Variants in DKK2 observed in about 807,000 individuals in gnomAD.
The protein encoded by DKK2 is dickkopf-related protein 2.
In DKK2, 11 loss-of-function variants were observed where a neutral mutation model predicts 28.1. The ratio of observed to expected loss-of-function variants is 0.39; its 90% CI spans 0.25 to 0.65. The LOEUF is 0.65. DKK2 is among the 30% of genes least tolerant of loss of function. DKK2 has a pLI of 0.47. For missense variants in DKK2, 326 were observed against 335.5 expected, an observed-to-expected ratio of 0.97 and a Z score of 0.22; for synonymous variants, 135 against 126.5, an observed-to-expected ratio of 1.07 and a Z score of -0.45.
intron 1 of DKK2, among the ~76,000 whole-genome samples, chr4:107,012,424 T>C (rs1445656765): frequency 6.6e-6 from 1 of 151,304 alleles, no homozygotes; most frequent in African/African-American, 2.4e-5. Flanking sequence ...TCTCTCCAAT[T>C]TCCTAGGAAG....
chr4:107,018,478 A>C (rs758431519), intron 1 of DKK2, among the ~76,000 whole-genome samples: 1 of 152,118 alleles, frequency 6.6e-6, no homozygotes, highest in Non-Finnish European at 1.5e-5. Flanking sequence ...AGAGGGGATT[A>C]AAGGCTCATA....
At chr4:107,011,056 T>C (rs1202452636) in intron 1 of DKK2, among the ~76,000 whole-genome samples, 1 of 151,478 alleles carries the variant, frequency 6.6e-6, no homozygotes, top group Admixed American at 6.6e-5. Flanking sequence ...TTTTGGTGGA[T>C]GTTTTGATCT....
At chr4:107,027,341 A>T (rs1949471812) in intron 1 of DKK2, among the ~76,000 whole-genome samples, 1 of 152,162 alleles carries the variant, frequency 6.6e-6, no homozygotes, top group Non-Finnish European at 1.5e-5. Context: ...ATTTACTGGC[A>T]GTTTGTTTCC....
intron 1 of DKK2, among the ~76,000 whole-genome samples, chr4:106,963,586 A>C (rs1578359538): frequency 6.6e-6 from 1 of 152,124 alleles, no homozygotes; most frequent in Non-Finnish European, 1.5e-5. Context: ...TGTTGGTGGG[A>C]ATATGAATTA....
intron 1 of DKK2, among the ~76,000 whole-genome samples, chr4:107,022,722 T>C (rs938947138): frequency 2.0e-5 from 3 of 152,106 alleles, no homozygotes; most frequent in African/African-American, 4.8e-5. Flanking sequence ...AATATTGTAG[T>C]AATCTATTGA....
intron 1 of DKK2, among the ~76,000 whole-genome samples, chr4:106,935,174 C>A (rs140381841): frequency 6.6e-6 from 1 of 152,046 alleles, no homozygotes; most frequent in Non-Finnish European, 1.5e-5. Context: ...AGGCAGAAGA[C>A]GGTGATTTCT....
intron 1 of DKK2, among the ~76,000 whole-genome samples, chr4:106,941,138 A>AT (rs1254399280): frequency 6.6e-6 from 1 of 151,986 alleles, no homozygotes; most frequent in African/African-American, 2.4e-5. Context: ...TAAAAATAAA[A>AT]TAAAAAAAAG....
chr4:107,004,149 A>C (rs1207048311), intron 1 of DKK2, among the ~76,000 whole-genome samples: 2 of 152,216 alleles, frequency 1.3e-5, no homozygotes, highest in African/African-American at 4.8e-5. Context: ...ACATAAGCAG[A>C]GTCAGTGAGG....
intron 1 of DKK2, among the ~76,000 whole-genome samples, chr4:106,964,838 A>G (rs545115363): frequency 5.3e-5 from 8 of 152,258 alleles, no homozygotes; most frequent in African/African-American, 1.9e-4. Flanking sequence ...CTGAATTTCC[A>G]GCCTAAGGAT....
chr4:106,924,255 A>T, intron 3 of DKK2, 51 bp from the exon 4 acceptor site: 1 of 1,584,594 alleles, frequency 6.3e-7, no homozygotes, highest in South Asian at 1.2e-5. Flanking sequence ...AGAAAAAAAA[A>T]ATTCTATTTT....
chr4:106,939,142 C>G (rs889468626), intron 1 of DKK2, among the ~76,000 whole-genome samples: 2 of 152,056 alleles, frequency 1.3e-5, no homozygotes, highest in South Asian at 4.2e-4. Context: ...AAATAAAGGG[C>G]ATTCAATTAG....
At position 107,026,719 on chromosome 4, in the gene DKK2, A is replaced by T. The variant is rs1723785967; in HGVS notation, c.222+8651T>A. Reference sequence around the variant, plus strand: ...TGTACAGGCTTTTTTGATAACTATGAGAAATCACGATTTTGTTGCCCGACT... The same window carrying T: ...TGTACAGGCTTTTTTGATAACTATGTGAAATCACGATTTTGTTGCCCGACT... On this transcript the variant is annotated intron_variant, in intron 1 of 3. Coordinates refer to ENST00000285311, the MANE Select transcript of DKK2 (RefSeq NM_014421.3). 2.1e-5 allele frequency among the ~76,000 whole-genome samples: 3 copies of T among 139,672 alleles called. No homozygotes were observed. In the South Asian group the frequency reaches 7.0e-4, roughly 33 times the overall value. The allele number at this position is 139,672 out of a possible 152,430, so 91.6% of individuals were successfully genotyped here. A position where few individuals can be genotyped will look rare whatever the true frequency, so the allele number is the denominator to read the frequency against.
chr4:106,993,580 A>C (rs568790566), intron 1 of DKK2, among the ~76,000 whole-genome samples: 9 of 152,220 alleles, frequency 5.9e-5, no homozygotes, highest in African/African-American at 1.9e-4. Context: ...ATATATATAT[A>C]AGCTCTTAGT....
intron 1 of DKK2, among the ~76,000 whole-genome samples, chr4:106,932,082 G>GA: frequency 6.6e-6 from 1 of 152,270 alleles, no homozygotes; most frequent in Non-Finnish European, 1.5e-5. Flanking sequence ...AAAATTGGAA[G>GA]TTGAGGATCT....
At chr4:106,945,726 T>G (rs1319046640) in intron 1 of DKK2, among the ~76,000 whole-genome samples, 1 of 152,108 alleles carries the variant, frequency 6.6e-6, no homozygotes, top group East Asian at 1.9e-4. Flanking sequence ...CTCAACCATA[T>G]CCAATCAAAG....
At chr4:106,940,188 G>T (rs1176948983) in intron 1 of DKK2, among the ~76,000 whole-genome samples, 2 of 152,160 alleles carry the variant, frequency 1.3e-5, no homozygotes, top group Non-Finnish European at 2.9e-5. Flanking sequence ...CAAAATGGGA[G>T]AAAATTTTCG....
chr4:106,924,452 T>A, intron 3 of DKK2, 93 bp downstream of exon 3: 2 of 1,457,166 alleles, frequency 1.4e-6, no homozygotes, highest in Non-Finnish European at 1.8e-6. Context: ...GAAACTTCCT[T>A]GTAATTTTTT....
chr4:106,934,825 G>A (rs1031705320), intron 1 of DKK2, among the ~76,000 whole-genome samples: 1 of 152,148 alleles, frequency 6.6e-6, no homozygotes, highest in East Asian at 1.9e-4. Flanking sequence ...TCATTCTATG[G>A]TGAAATGACT....
intron 1 of DKK2, among the ~76,000 whole-genome samples, chr4:106,942,844 T>C (rs899340000): frequency 1.3e-5 from 2 of 152,120 alleles, no homozygotes; most frequent in African/African-American, 4.8e-5. Context: ...AAATCTTGCC[T>C]GGTGTTTGTT....
Sources: gnomAD v4.1 joint callset for allele counts (sites outside exome capture counted in the v4.1 genomes callset) on GRCh38, gnomAD v4.1.1 for gene constraint, MANE v1.5 for transcripts, NCBI Gene and HGNC (gene_info 2026-07-23, HGNC 2026-07-21) for gene names.